The following SYNPO2L variants were observed in gnomAD, a reference collection of about 807,000 sequenced individuals.
The protein encoded by SYNPO2L is synaptopodin 2-like protein.
Under a neutral mutation model 47.5 loss-of-function variants are expected in SYNPO2L, and 34 were observed. The observed-to-expected ratio is 0.72, with a 90% CI of 0.54 to 0.95. The LOEUF (loss-of-function observed/expected upper bound fraction) is 0.95. Among genes scored for constraint, SYNPO2L ranks in the 40% least tolerant of loss-of-function variants. The pLI is 0.00. For missense variants in SYNPO2L, 1,246 were observed against 1,282.0 expected (o/e 0.97, Z 0.43); for synonymous variants, 536 against 524.9 (o/e 1.02, Z -0.29).
chr10:73,653,470 G>T lies in SYNPO2L; in HGVS notation c.441C>A (p.Gly147=). The change falls in exon 3 of 4, where the codon GGC becomes GGA. Residue 147 remains glycine, a synonymous_variant. Coordinates refer to ENST00000394810, the MANE Select transcript of SYNPO2L (RefSeq NM_001114133.3). ...GACGGGGCTTCTCCTGGGTGGCAGG[G>T]CCATCAGCATCACTGTCAGTCTCTC... ...YYGETDSDAD[G]PATQEKPRRP... 1 of 1,551,624 alleles carries T rather than the reference G, an allele frequency of 6.4e-7. No individual in the cohort carries two copies.
At position 73,646,998 on chromosome 10, in the gene SYNPO2L, T is replaced by C. The variant is rs1368131894; in HGVS notation, c.2654A>G (p.Gln885Arg). The C allele has an allele frequency of 1.9e-6, 3 of 1,613,158 alleles. No individual in the cohort carries two copies. Among genetic ancestry groups the C allele is most frequent in the Non-Finnish European group, 2.5e-6 (3 of 1,179,398 alleles). ...ASGSPKTARV[Q>R]EIRRFSTPAP... The stretch of plus-strand genomic sequence containing the variant: ...CGGAGTGGAAAACCGGCGAATCTCC[T>C]GGACTCGGGCAGTTTTGGGGGACCC... The change falls in exon 4 of 4, where the codon CAG becomes CGG. Residue 885 changes from glutamine (Q) to arginine (R), a missense_variant. Physicochemically the swap from Gln to Arg is conservative, Grantham distance 43. This residue lies in a region of SYNPO2L where 1,037 missense variants were observed against 1,021.5 expected (regional missense o/e 1.02). Coordinates refer to ENST00000394810, the MANE Select transcript of SYNPO2L (RefSeq NM_001114133.3).
chr10:73,650,626 C>T (rs1191563510), intron 3 of SYNPO2L: 2 of 919,252 alleles, frequency 2.2e-6, no homozygotes, highest in East Asian at 2.3e-4. Context: ...CACATATCTT[C>T]TCCCATGACT....
chr10:73,650,913 T>C lies in SYNPO2L; in HGVS notation c.773-2034A>G, dbSNP rs373891061. On this transcript the variant is annotated intron_variant, in intron 3 of 3. Coordinates refer to ENST00000394810, the MANE Select transcript of SYNPO2L (RefSeq NM_001114133.3). Reference sequence around the variant, plus strand: ...TAGATATGGGAGGGTAGTACCTGCATAGAACGAGTCTTGGAGCTCAGGAAC... The same window carrying C: ...TAGATATGGGAGGGTAGTACCTGCACAGAACGAGTCTTGGAGCTCAGGAAC... The C allele has an allele frequency of 1.6e-5, 25 of 1,612,726 alleles. No homozygotes were observed. The African/African-American group carries it at 2.3e-4, about 15-fold the overall frequency.
chr10:73,648,766 G>A lies in SYNPO2L; in HGVS notation c.886C>T (p.Leu296Phe). ...AAPNPHSKGV[L>F]MFKKRRQRAK... ...CTCTGCCGCCGTTTCTTAAACATAA[G>A]TACCCCTTTGGAGTGGGGGTTGGGG... The change falls in exon 4 of 4, where the codon CTT becomes TTT. Residue 296 changes from leucine (L) to phenylalanine (F), a missense_variant. Transcript: ENST00000394810. 1 of 1,611,780 alleles carries A rather than the reference G, an allele frequency of 6.2e-7. No homozygotes were observed. Among genetic ancestry groups the A allele is most frequent in the Non-Finnish European group, 8.5e-7 (1 of 1,178,586 alleles).
rs2132414930 is a variant in SYNPO2L at position 73,646,442 on chromosome 10, T to C, written c.*276A>G. 3 of 1,157,040 alleles carry C rather than the reference T, an allele frequency of 2.6e-6. No individual in the cohort carries two copies. Among genetic ancestry groups the C allele is most frequent in the East Asian group, 4.2e-5 (1 of 23,656 alleles). The allele number at this position is 1,157,040 out of a possible 1,614,324, so 71.7% of individuals were successfully genotyped here. A position where few individuals can be genotyped will look rare whatever the true frequency, so the allele number is the denominator to read the frequency against. ...AGGAAGAGAGATCTGTGGAGGAATATGGGTGGAGAAGCCTGGAAATAAAGA... is the reference window on the plus strand; with the variant it reads ...AGGAAGAGAGATCTGTGGAGGAATACGGGTGGAGAAGCCTGGAAATAAAGA... On this transcript the variant is annotated 3_prime_UTR_variant, in exon 4 of 4. Transcript: ENST00000394810.
chr10:73,653,462 G>A lies in SYNPO2L; in HGVS notation c.449C>T (p.Thr150Ile), dbSNP rs1414394631. 6.4e-7 allele frequency: 1 copy of A among 1,551,612 alleles called. No homozygotes were observed. Among genetic ancestry groups the A allele is most frequent in the East Asian group, 2.4e-5 (1 of 40,916 alleles). Residue 150 changes from threonine (T) to isoleucine (I), a missense_variant, in exon 3 of 4, where the codon ACC (threonine) becomes ATC (isoleucine). Around this residue, in one of 3 missense-constraint regions of SYNPO2L, gnomAD observed 148 missense variants for 204.8 expected, o/e 0.72. Transcript: ENST00000394810. ...ETDSDADGPA[T>I]QEKPRRPRRR... ...GCGAGGTCGACGGGGCTTCTCCTGG[G>A]TGGCAGGGCCATCAGCATCACTGTC...
At position 73,647,534 on chromosome 10, in the gene SYNPO2L, G is replaced by T. The variant is rs778016253; in HGVS notation, c.2118C>A (p.Pro706=). The part of the protein sequence containing the change: ...KTLPHVTPKT[P]PPMAPKTPPP... ...GCGGGGTCTTGGGAGCCATTGGAGG[G>T]GGGGTCTTAGGTGTCACGTGAGGCA... Residue 706 remains proline, a synonymous_variant, in exon 4 of 4, where the codon CCC becomes CCA. Coordinates refer to ENST00000394810, the MANE Select transcript of SYNPO2L (RefSeq NM_001114133.3). 5 of 1,593,342 alleles carry T rather than the reference G, an allele frequency of 3.1e-6. No individual in the cohort carries two copies. The highest frequency in any genetic ancestry group is 1.3e-5 in the African/African-American group (1 of 74,222).
In SYNPO2L at chr10:73,647,299, GAGGGCCAAGACCAGGACC is replaced by G; in HGVS notation, c.2335_2352del (p.Gly779_Pro784del). 2 of 1,614,096 alleles carry G rather than the reference GAGGGCCAAGACCAGGACC, an allele frequency of 1.2e-6. No homozygotes were observed. The highest frequency in any genetic ancestry group is 1.7e-6 in the Non-Finnish European group (2 of 1,179,986). On this transcript the variant is annotated inframe_deletion, in exon 4 of 4. Coordinates refer to ENST00000394810, the MANE Select transcript of SYNPO2L (RefSeq NM_001114133.3). ...GGGGTAGGAGAAGGACTTCTAGGCC[GAGGGCCAAGACCAGGACC>G]AGGTGTACCTTCCACCACATACCTG...
Position 73,646,616 on chromosome 10 carries a change from A to T in SYNPO2L, c.*102T>A. 1 of 1,344,992 alleles carries T rather than the reference A, an allele frequency of 7.4e-7. No individual in the cohort carries two copies. The allele number at this position is 1,344,992 out of a possible 1,614,324, so 83.3% of individuals were successfully genotyped here. A position where few individuals can be genotyped will look rare whatever the true frequency, so the allele number is the denominator to read the frequency against. On this transcript the variant is annotated 3_prime_UTR_variant, in exon 4 of 4. Coordinates refer to ENST00000394810, the MANE Select transcript of SYNPO2L (RefSeq NM_001114133.3). ...TTGGAAACCATCTCTGGCAGGAGGC[A>T]ATTTAGCTTCCAGATGCGTGACAGG... is the stretch of plus-strand genomic sequence containing the variant.
rs752727659 is a variant in SYNPO2L at position 73,647,086 on chromosome 10, G to A, written c.2566C>T (p.Gln856Ter). The change falls in exon 4 of 4, where the codon CAA (glutamine) becomes TAA (stop). Residue 856 changes from glutamine to a stop codon, truncating the protein, a stop_gained. Transcript: ENST00000394810. LOFTEE classifies it high-confidence loss of function. Reference sequence around the variant, plus strand: ...AAACAGAACATGGCAGTTTTAAGTTGATAGGGCTGATGCCGCATAAAATCT... The same window carrying A: ...AAACAGAACATGGCAGTTTTAAGTTAATAGGGCTGATGCCGCATAAAATCT... Reference protein sequence around the residue: ...ALDFMRHQPYQLKTAMFCFDE... With the variant: ...ALDFMRHQPY 3.7e-6 allele frequency: 6 copies of A among 1,613,942 alleles called. No individual in the cohort carries two copies. The highest frequency in any genetic ancestry group is 5.1e-6 in the Non-Finnish European group (6 of 1,180,026).
In SYNPO2L at chr10:73,645,281, A is replaced by G. The variant is rs1268822656; in HGVS notation, c.*1437T>C. 2.8e-6 allele frequency: 3 copies of G among 1,082,268 alleles called. No individual in the cohort carries two copies. The highest frequency in any genetic ancestry group is 3.4e-6 in the Non-Finnish European group (3 of 882,686). The allele number at this position is 1,082,268 out of a possible 1,614,324, so 67.0% of individuals were successfully genotyped here. A position where few individuals can be genotyped will look rare whatever the true frequency, so the allele number is the denominator to read the frequency against. On this transcript the variant is annotated 3_prime_UTR_variant, in exon 4 of 4. Coordinates refer to ENST00000394810, the MANE Select transcript of SYNPO2L (RefSeq NM_001114133.3). ...TCCATTCTAACATTCTTCTCCCTCA[A>G]ATTTTTTTCCAATCCCCCTCTCACA...
rs191479199 is a variant in SYNPO2L at position 73,650,022 on chromosome 10, T to G, written c.773-1143A>C. 7.9e-5 allele frequency: 78 copies of G among 985,368 alleles called. No individual in the cohort carries two copies. In the African/African-American group the frequency reaches 1.2e-3, roughly 16 times the overall value. The allele number at this position is 985,368 out of a possible 1,614,324, so 61.0% of individuals were successfully genotyped here. On this transcript the variant is annotated intron_variant, in intron 3 of 3. Coordinates refer to ENST00000394810, the MANE Select transcript of SYNPO2L (RefSeq NM_001114133.3). ...CACTGCCAGCCAGGCACACAAAGACTATGTGCTAAAGGGAACCAGGGCAGG... is the reference window on the plus strand; with the variant it reads ...CACTGCCAGCCAGGCACACAAAGACGATGTGCTAAAGGGAACCAGGGCAGG...
intron 3 of SYNPO2L, 121 bp downstream of exon 3, chr10:73,653,018 C>T: frequency 8.1e-7 from 1 of 1,234,290 alleles, no homozygotes; most frequent in South Asian, 2.4e-5. Flanking sequence ...CTCATTACCC[C>T]TCCTGTCCCC....
intron 2 of SYNPO2L, 123 bp downstream of exon 2, chr10:73,654,006 G>T: frequency 7.7e-7 from 1 of 1,299,286 alleles, no homozygotes; most frequent in Non-Finnish European, 1.0e-6. Flanking sequence ...CTGCACTCCA[G>T]CAGAAACGCA....
chr10:73,645,459 T>C lies in SYNPO2L; in HGVS notation c.*1259A>G, dbSNP rs1228152468. The C allele has an allele frequency of 2.0e-6, 2 of 993,490 alleles. No individual in the cohort carries two copies. The highest frequency in any genetic ancestry group is 2.4e-6 in the Non-Finnish European group (2 of 835,960). The allele number at this position is 993,490 out of a possible 1,614,324, so 61.5% of individuals were successfully genotyped here. Reference sequence around the variant, plus strand: ...CACACTCTGGCTCTCTTCTCCTTTCTCTCAAGCTCATGAGGCAATGAAGCC... The same window carrying C: ...CACACTCTGGCTCTCTTCTCCTTTCCCTCAAGCTCATGAGGCAATGAAGCC... On this transcript the variant is annotated 3_prime_UTR_variant, in exon 4 of 4. Coordinates refer to ENST00000394810, the MANE Select transcript of SYNPO2L (RefSeq NM_001114133.3).
In SYNPO2L at chr10:73,654,066, T is replaced by C. The variant is rs1014258528; in HGVS notation, c.257+63A>G. 52 of 1,527,024 alleles carry C rather than the reference T, an allele frequency of 3.4e-5. 1 individual carries two copies. The highest frequency in any genetic ancestry group is 4.3e-5 in the Non-Finnish European group (49 of 1,130,418). The allele number at this position is 1,527,024 out of a possible 1,614,324, so 94.6% of individuals were successfully genotyped here. On this transcript the variant is annotated intron_variant, in intron 2 of 3. Coordinates refer to ENST00000394810, the MANE Select transcript of SYNPO2L (RefSeq NM_001114133.3). ...TTGCTAAAGCCAGGCCAGTGAGACA[T>C]AGAGCTGAGACAGGCAATGGGAGCC...
At chr10:73,651,182 TG>T (rs925650097) in intron 3 of SYNPO2L, among the ~76,000 whole-genome samples, 1 of 152,166 alleles carries the variant, frequency 6.6e-6, no homozygotes, top group Admixed American at 6.5e-5. Flanking sequence ...GTGATGGATG[TG>T]GGCACCTGCC....
rs34163229 is a variant in SYNPO2L at position 73,647,154 on chromosome 10, G to T, written c.2498C>A (p.Ser833Tyr). 0.15 allele frequency: 243,524 copies of T among 1,613,796 alleles called. 19,321 individuals are homozygous for T. The highest frequency in any genetic ancestry group is 0.23 in the South Asian group (20,573 of 91,078). Residue 833 changes from serine to tyrosine, a missense_variant, in exon 4 of 4, where the codon TCC becomes TAC. Physicochemically the swap from Ser to Tyr is moderately radical, Grantham distance 144. Transcript: ENST00000394810. ...CTTGGGTGTTGCCCGAGGCCCCTGG[G>T]ATTGGGCCTTAGGGAGAGTTCGGGC... is the stretch of plus-strand genomic sequence containing the variant. ...QAARTLPKAQ[S>Y]QGPRATPKQG... is the part of the protein sequence containing the mutation.
chr10:73,655,846 T>C lies in SYNPO2L; in HGVS notation c.77A>G (p.Glu26Gly), dbSNP rs759026761. 2.8e-4 allele frequency: 428 copies of C among 1,550,918 alleles called. No homozygotes were observed. The highest frequency in any genetic ancestry group is 5.0e-4 in the Middle Eastern group (3 of 5,990). The change falls in exon 1 of 4, where the codon GAG becomes GGG. Residue 26 changes from glutamate (E) to glycine (G), a missense_variant. Physicochemically the swap from Glu to Gly is moderately conservative, Grantham distance 98. This residue lies in a region of SYNPO2L where 61 missense variants were observed against 55.6 expected (regional missense o/e 1.10). Transcript: ENST00000394810. ...AGACACCTGTAACGGTTTCCTCTGC[T>C]CGGCCCCCCCATGAAGTCGGAAGCC... ...PWGFRLHGGA[E>G]QRKPLQVSKI...
Sources: gnomAD v4.1 joint callset for allele counts (sites outside exome capture counted in the v4.1 genomes callset) on GRCh38, gnomAD v4.1.1 for gene constraint, gnomAD v4.1.1 regional missense constraint, MANE v1.5 for transcripts, NCBI Gene and HGNC (gene_info 2026-07-23, HGNC 2026-07-21) for gene names.